Variants in RIMS2 observed in about 807,000 individuals in gnomAD.
RIMS2 encodes the protein regulating synaptic membrane exocytosis 2.
A neutral mutation model predicts 174.4 loss-of-function variants in RIMS2; 59 were observed. The observed-to-expected ratio is 0.34, with a 90% CI of 0.27 to 0.42. The LOEUF is 0.42. Among genes scored for constraint, RIMS2 ranks in the 10% least tolerant of loss-of-function variants. The pLI is 1.00. For missense variants in RIMS2, 1,620 were observed against 1,666.3 expected (o/e 0.97, Z 0.48); for synonymous variants, 606 against 572.5 (o/e 1.06, Z -0.84).
intron 1 of RIMS2, among the ~76,000 whole-genome samples, chr8:103,527,915 A>G (rs1834901698): frequency 6.6e-6 from 1 of 152,182 alleles, no homozygotes; most frequent in South Asian, 2.1e-4. Flanking sequence ...CAGTAACGGG[A>G]TGACTGGGTC....
rs145029084 is a variant in RIMS2, at chr8:104,173,539, A to T, written c.3335-71377A>T. Among the ~76,000 whole-genome samples the T allele has an allele frequency of 1.9e-3, 290 of 151,152 alleles. 10 individuals are homozygous for T. In the East Asian group the frequency reaches 0.053, roughly 28 times the overall value. ...ATGAGAGTTTCCATAATGTTATGAAACATTTTTTATAGAACAAAGAAAAAA... is the reference window on the plus strand; with the variant it reads ...ATGAGAGTTTCCATAATGTTATGAATCATTTTTTATAGAACAAAGAAAAAA... On this transcript the variant is annotated intron_variant, in intron 19 of 23. Coordinates refer to ENST00000504942, the Ensembl canonical transcript of RIMS2.
chr8:103,589,319 T>C (rs767898180), intron 1 of RIMS2, among the ~76,000 whole-genome samples: 17 of 99,760 alleles, frequency 1.7e-4, no homozygotes, highest in South Asian at 4.1e-4. Context: ...CAAAGAGGCA[T>C]ATGAAAAAGT....
chr8:104,110,456 C>T (rs933428992), intron 19 of RIMS2, among the ~76,000 whole-genome samples: 1 of 152,104 alleles, frequency 6.6e-6, no homozygotes, highest in Non-Finnish European at 1.5e-5. Flanking sequence ...ATTTGAGAAG[C>T]TTAAACAGTT....
chr8:103,862,474 C>T lies in RIMS2; in HGVS notation c.699-22824C>T, dbSNP rs552836253. On this transcript the variant is annotated intron_variant, in intron 3 of 23. Transcript: ENST00000504942. ...ATTCAGGCTCTTTTTTGCTTCCATA[C>T]GGCCTTTAGATTTTTTTTTTAATTT... is the stretch of plus-strand genomic sequence containing the variant. Among the ~76,000 whole-genome samples the T allele has an allele frequency of 2.5e-4, 38 of 151,620 alleles. No individual in the cohort carries two copies. In the Middle Eastern group the frequency reaches 0.01, roughly 41 times the overall value.
intron 3 of RIMS2, among the ~76,000 whole-genome samples, chr8:103,843,961 C>T (rs1415204139): frequency 1.3e-5 from 2 of 152,096 alleles, no homozygotes; most frequent in African/African-American, 2.4e-5. Context: ...TGTGGAGGCA[C>T]GTCTTTCCCA....
intron 4 of RIMS2, among the ~76,000 whole-genome samples, chr8:103,908,328 AC>A (rs1312407565): frequency 6.6e-6 from 1 of 152,238 alleles, no homozygotes; most frequent in Non-Finnish European, 1.5e-5. Context: ...GGCGTGAGCC[AC>A]CATGCCTGGC....
At chr8:103,792,295 A>G (rs1156799653) in intron 3 of RIMS2, among the ~76,000 whole-genome samples, 2 of 152,230 alleles carry the variant, frequency 1.3e-5, no homozygotes, top group Non-Finnish European at 1.5e-5. Flanking sequence ...CTACATGGAA[A>G]CTGAACAACC....
intron 19 of RIMS2, among the ~76,000 whole-genome samples, chr8:104,159,401 A>G (rs540142584): frequency 8.1e-4 from 123 of 152,178 alleles, no homozygotes; most frequent in Middle Eastern, 6.8e-3. Flanking sequence ...TTCCATATGA[A>G]CTTTAAAGTA....
chr8:103,762,316 T>G (rs1050806064), intron 2 of RIMS2, among the ~76,000 whole-genome samples: 1 of 152,160 alleles, frequency 6.6e-6, no homozygotes, highest in Admixed American at 6.5e-5. Context: ...AGGTTCTAGA[T>G]GTTTTTGGTA....
chr8:103,621,472 G>C (rs1469046904), intron 1 of RIMS2, among the ~76,000 whole-genome samples: 1 of 152,254 alleles, frequency 6.6e-6, no homozygotes, highest in African/African-American at 2.4e-5. Flanking sequence ...ATAAGGAAGA[G>C]GAATAGGCTA....
chr8:103,618,965 C>G (rs2095568446), intron 1 of RIMS2, among the ~76,000 whole-genome samples: 1 of 151,262 alleles, frequency 6.6e-6, no homozygotes, highest in Non-Finnish European at 1.5e-5. Context: ...TAAAGAGAGG[C>G]AAAAAGGTAG....
At chr8:103,893,895 G>A (rs1183327948) in intron 4 of RIMS2, among the ~76,000 whole-genome samples, 1 of 152,056 alleles carries the variant, frequency 6.6e-6, no homozygotes, top group Non-Finnish European at 1.5e-5. Context: ...CATGCACACA[G>A]CCATGCTGTG....
At chr8:104,121,794 T>C (rs1278285416) in intron 19 of RIMS2, among the ~76,000 whole-genome samples, 1 of 151,960 alleles carries the variant, frequency 6.6e-6, no homozygotes, top group Admixed American at 6.6e-5. Context: ...AAACCTCGTC[T>C]CTACTAAAAA....
intron 2 of RIMS2, among the ~76,000 whole-genome samples, chr8:103,737,116 T>C (rs1413898222): frequency 6.6e-6 from 1 of 151,888 alleles, no homozygotes; most frequent in South Asian, 2.1e-4. Context: ...TGGATACTTT[T>C]TTCCTTTAAC....
chr8:103,590,025 C>A (rs193258406), intron 1 of RIMS2, among the ~76,000 whole-genome samples: 7 of 151,178 alleles, frequency 4.6e-5, no homozygotes, highest in African/African-American at 1.7e-4. Context: ...TTATGCACAA[C>A]GTGGTGACTA....
chr8:103,751,652 G>A (rs1044644947), intron 2 of RIMS2, among the ~76,000 whole-genome samples: 1 of 151,432 alleles, frequency 6.6e-6, no homozygotes, highest in African/African-American at 2.4e-5. Context: ...ACTGGTGTGA[G>A]ATGATATCTC....
intron 2 of RIMS2, among the ~76,000 whole-genome samples, chr8:103,719,911 A>G (rs2097424897): frequency 6.6e-6 from 1 of 152,184 alleles, no homozygotes; most frequent in African/African-American, 2.4e-5. Context: ...GGCAACTTTA[A>G]TGTGGGTATT....
Position 104,086,918 on chromosome 8 carries a change from C to T in RIMS2, c.3334+72303C>T, listed in dbSNP as rs545814472. ...AAGCCTGTATTCCTAAACCCCACAA[C>T]CAGTGGTGTGCCCAACTGTCTGTTC... On this transcript the variant is annotated intron_variant, in intron 19 of 23. Coordinates refer to ENST00000504942, the Ensembl canonical transcript of RIMS2. Among the ~76,000 whole-genome samples the T allele has an allele frequency of 3.9e-5, 6 of 152,252 alleles. No homozygotes were observed. The South Asian group carries it at 1.2e-3, about 32-fold the overall frequency.
chr8:103,935,566 G>T (rs1417673888), intron 12 of RIMS2, among the ~76,000 whole-genome samples: 1 of 152,140 alleles, frequency 6.6e-6, no homozygotes, highest in East Asian at 1.9e-4. Context: ...GTGTTGTGCT[G>T]AGATAATTTG....
Sources: gnomAD v4.1 joint callset for allele counts (sites outside exome capture counted in the v4.1 genomes callset) on GRCh38, gnomAD v4.1.1 for gene constraint, MANE v1.5 for transcripts, NCBI Gene and HGNC (gene_info 2026-07-23, HGNC 2026-07-21) for gene names.